Variants in OLFM3 observed in about 807,000 individuals in gnomAD.
The protein encoded by OLFM3 is noelin-3.
A neutral mutation model predicts 48.6 loss-of-function variants in OLFM3; 20 were observed. The ratio of observed to expected loss-of-function variants is 0.41; its 90% CI spans 0.29 to 0.60. The LOEUF is 0.60. Among genes scored for constraint, OLFM3 ranks in the 20% least tolerant of loss-of-function variants. The pLI is 0.28. For missense variants in OLFM3, 437 were observed against 544.3 expected (o/e 0.80, Z 1.96); for synonymous variants, 222 against 198.1 (o/e 1.12, Z -1.01).
rs1432823103 is a variant in OLFM3 at position 101,803,052 on chromosome 1, C to G, written c.*1186G>C. 1 of 151,806 alleles carries G rather than the reference C, an allele frequency of 6.6e-6. No individual in the cohort carries two copies. Among genetic ancestry groups the G allele is most frequent in the Non-Finnish European group, 1.5e-5 (1 of 67,662 alleles). The allele number at this position is 151,806 out of a possible 1,614,324, so 9.4% of individuals were successfully genotyped here. A position where few individuals can be genotyped will look rare whatever the true frequency, so the allele number is the denominator to read the frequency against. ...TTGTTTTCTGAATTGGTTATTTACA[C>G]TTTTGAAACCACAAAGACAACTCCC... On this transcript the variant is annotated 3_prime_UTR_variant, in exon 6 of 6. Coordinates refer to ENST00000370103, the MANE Select transcript of OLFM3 (RefSeq NM_058170.4).
At chr1:101,809,338 G>A (rs965334606) in intron 4 of OLFM3, among the ~76,000 whole-genome samples, 3 of 151,834 alleles carry the variant, frequency 2.0e-5, no homozygotes, top group Non-Finnish European at 2.9e-5. Context: ...GAAAGAATAT[G>A]AGCTTGTCAC....
At chr1:101,861,012 A>AT (rs1457694539) in intron 1 of OLFM3, among the ~76,000 whole-genome samples, 2 of 152,086 alleles carry the variant, frequency 1.3e-5, no homozygotes, top group Admixed American at 1.3e-4. Context: ...AGAAGAGTTA[A>AT]TGCATTGTGT....
At chr1:101,971,077 GA>G (rs1660791401) in intron 1 of OLFM3, among the ~76,000 whole-genome samples, 1 of 152,168 alleles carries the variant, frequency 6.6e-6, no homozygotes, top group Non-Finnish European at 1.5e-5. Context: ...GTGGGATTCT[GA>G]AATAATTACA....
intron 1 of OLFM3, among the ~76,000 whole-genome samples, chr1:101,921,839 C>T (rs1659104354): frequency 6.6e-6 from 1 of 152,102 alleles, no homozygotes. Flanking sequence ...GGGCAGATCA[C>T]TTAAAGTCAG....
intron 2 of OLFM3, among the ~76,000 whole-genome samples, chr1:101,835,763 T>TA (rs1655369997): frequency 6.6e-6 from 1 of 152,086 alleles, no homozygotes; most frequent in Non-Finnish European, 1.5e-5. Flanking sequence ...AAAGGGCCAA[T>TA]AGGTGATGAT....
chr1:101,865,715 C>T (rs964270265), intron 1 of OLFM3, among the ~76,000 whole-genome samples: 1 of 152,184 alleles, frequency 6.6e-6, no homozygotes, highest in Non-Finnish European at 1.5e-5. Flanking sequence ...TCCTGGGAGA[C>T]ACTGGCTGTA....
intron 1 of OLFM3, among the ~76,000 whole-genome samples, chr1:101,958,835 T>TTATATATA (rs10571792): frequency 3.2e-3 from 471 of 146,408 alleles, no homozygotes; most frequent in East Asian, 5.0e-3. Context: ...CAAAGTGATA[T>TTATATATA]TATATATATA....
chr1:101,960,053 T>C (rs976744648), intron 1 of OLFM3, among the ~76,000 whole-genome samples: 11 of 152,142 alleles, frequency 7.2e-5, no homozygotes, highest in African/African-American at 2.7e-4. Flanking sequence ...TGAAAAACCC[T>C]GTATTCTGCA....
intron 1 of OLFM3, among the ~76,000 whole-genome samples, chr1:101,916,930 T>C (rs543383084): frequency 3.9e-5 from 6 of 152,312 alleles, no homozygotes; most frequent in South Asian, 2.1e-4. Flanking sequence ...AGATATTTAA[T>C]ATATTTTAGG....
At chr1:101,901,483 C>T (rs1403324218) in intron 1 of OLFM3, among the ~76,000 whole-genome samples, 1 of 151,964 alleles carries the variant, frequency 6.6e-6, no homozygotes, top group Non-Finnish European at 1.5e-5. Flanking sequence ...AATAAGGCTA[C>T]AGGAATAAGA....
At chr1:101,913,715 C>T (rs1431180748) in intron 1 of OLFM3, among the ~76,000 whole-genome samples, 2 of 151,142 alleles carry the variant, frequency 1.3e-5, no homozygotes, top group Non-Finnish European at 2.9e-5. Flanking sequence ...ACTCACTATT[C>T]AACTGTCAAA....
At chr1:101,948,138 GA>G (rs920644008) in intron 1 of OLFM3, among the ~76,000 whole-genome samples, 12 of 151,360 alleles carry the variant, frequency 7.9e-5, no homozygotes, top group Admixed American at 3.3e-4. Flanking sequence ...TCTCATACTT[GA>G]AAAAAAATAC....
intron 1 of OLFM3, among the ~76,000 whole-genome samples, chr1:101,966,317 T>TTG (rs60173488): frequency 0.028 from 3,604 of 128,012 alleles, 80 homozygotes; most frequent in African/African-American, 0.072. Flanking sequence ...CCTGGCTAAT[T>TTG]TGTGTGTGTG....
intron 1 of OLFM3, among the ~76,000 whole-genome samples, chr1:101,854,820 T>C (rs1396462293): frequency 6.6e-6 from 1 of 152,008 alleles, no homozygotes; most frequent in Non-Finnish European, 1.5e-5. Context: ...CCATGTGACC[T>C]CCCAGAGCTG....
chr1:101,971,217 A>G (rs2101096558), intron 1 of OLFM3, among the ~76,000 whole-genome samples: 1 of 152,342 alleles, frequency 6.6e-6, no homozygotes, highest in East Asian at 1.9e-4. Context: ...TCTAAGCCAG[A>G]GCAGTAATGA....
chr1:101,910,442 G>C (rs1213008397), intron 1 of OLFM3, among the ~76,000 whole-genome samples: 1 of 151,210 alleles, frequency 6.6e-6, no homozygotes, highest in Admixed American at 6.6e-5. Flanking sequence ...CTCCAGCCTG[G>C]GCGACAGAGC....
intron 1 of OLFM3, among the ~76,000 whole-genome samples, chr1:101,895,970 G>GTAATAA (rs71720190): frequency 0.054 from 7,872 of 145,004 alleles, 334 homozygotes; most frequent in African/African-American, 0.12. Flanking sequence ...TAAAACATAG[G>GTAATAA]TAATAATAAT....
chr1:101,807,588 C>T (rs1240973583), intron 4 of OLFM3, among the ~76,000 whole-genome samples: 1 of 151,754 alleles, frequency 6.6e-6, no homozygotes, highest in Non-Finnish European at 1.5e-5. Flanking sequence ...TTATAATTGG[C>T]AGAATACTAA....
intron 1 of OLFM3, 70 bp downstream of exon 1, chr1:101,996,678 T>G: frequency 1.3e-6 from 2 of 1,503,876 alleles, no homozygotes; most frequent in South Asian, 2.3e-5. Flanking sequence ...GACATATTTA[T>G]TTGCATTTCT....
Sources: gnomAD v4.1 joint callset for allele counts (sites outside exome capture counted in the v4.1 genomes callset) on GRCh38, gnomAD v4.1.1 for gene constraint, MANE v1.5 for transcripts, NCBI Gene and HGNC (gene_info 2026-07-23, HGNC 2026-07-21) for gene names.